Variants in KHDRBS3 observed in about 807,000 individuals in gnomAD.
KHDRBS3 encodes the protein KH domain-containing, RNA-binding, signal transduction-associated protein 3.
Under a neutral mutation model 45.6 loss-of-function variants are expected in KHDRBS3, and 23 were observed. The ratio of observed to expected loss-of-function variants is 0.50; its 90% confidence interval spans 0.36 to 0.72. KHDRBS3 has a LOEUF of 0.72. Among genes scored for constraint, KHDRBS3 ranks in the 30% least tolerant of loss-of-function variants. The pLI is 0.00. For synonymous variants in KHDRBS3, 162 were observed against 156.5 expected, an observed-to-expected ratio of 1.04 and a Z score of -0.26; for missense variants, 352 against 424.8, an observed-to-expected ratio of 0.83 and a Z score of 1.51.
At chr8:135,490,609 TAAATG>T (rs1563717520) in intron 1 of KHDRBS3, among the ~76,000 whole-genome samples, 1 of 152,222 alleles carries the variant, frequency 6.6e-6, no homozygotes, top group Non-Finnish European at 1.5e-5. Context: ...ATAATAGTAA[TAAATG>T]AAAATAATAT....
At chr8:135,621,005 C>T (rs530376178) in intron 7 of KHDRBS3, among the ~76,000 whole-genome samples, 20 of 152,086 alleles carry the variant, frequency 1.3e-4, no homozygotes, top group Non-Finnish European at 2.4e-4. Flanking sequence ...TGTAAGTTTG[C>T]ATCTGTTTTA....
chr8:135,537,632 T>C (rs1415367441), intron 2 of KHDRBS3, among the ~76,000 whole-genome samples: 3 of 152,182 alleles, frequency 2.0e-5, no homozygotes, highest in African/African-American at 7.2e-5. Context: ...TAATCTTTAA[T>C]GGAGAAAATA....
chr8:135,463,209 C>T (rs1029682649), intron 1 of KHDRBS3, among the ~76,000 whole-genome samples: 3 of 152,114 alleles, frequency 2.0e-5, no homozygotes, highest in Admixed American at 6.5e-5. Context: ...ACCTAGCATA[C>T]GTCTGAGCAC....
chr8:135,511,656 C>T (rs1005434657), intron 1 of KHDRBS3, among the ~76,000 whole-genome samples: 7 of 152,004 alleles, frequency 4.6e-5, no homozygotes, highest in African/African-American at 1.2e-4. Flanking sequence ...CCTGGGTTCA[C>T]GCCATTCTCC....
intron 1 of KHDRBS3, among the ~76,000 whole-genome samples, chr8:135,488,723 GA>G (rs1159313720): frequency 6.6e-6 from 1 of 152,194 alleles, no homozygotes; most frequent in Non-Finnish European, 1.5e-5. Flanking sequence ...CAGAAGCATA[GA>G]AAGAGTAGAT....
intron 1 of KHDRBS3, among the ~76,000 whole-genome samples, chr8:135,516,104 A>G (rs1392651075): frequency 6.6e-6 from 1 of 152,226 alleles, no homozygotes; most frequent in African/African-American, 2.4e-5. Flanking sequence ...GCCAGAGTAC[A>G]TGTTACCATA....
intron 5 of KHDRBS3, among the ~76,000 whole-genome samples, chr8:135,565,028 T>C (rs1185438659): frequency 6.6e-6 from 1 of 152,154 alleles, no homozygotes; most frequent in Non-Finnish European, 1.5e-5. Flanking sequence ...GTGGGAGTGC[T>C]GCAGAGCGTA....
At chr8:135,552,297 A>G (rs1278914256) in intron 4 of KHDRBS3, among the ~76,000 whole-genome samples, 1 of 151,852 alleles carries the variant, frequency 6.6e-6, no homozygotes, top group African/African-American at 2.4e-5. Context: ...TCTTACATTC[A>G]GGGTTTTTCA....
At chr8:135,544,238 G>A (rs529768754) in intron 3 of KHDRBS3, among the ~76,000 whole-genome samples, 1 of 152,232 alleles carries the variant, frequency 6.6e-6, no homozygotes, top group East Asian at 1.9e-4. Context: ...AAGGGGGTTG[G>A]TCAGAACCAC....
rs757278234 is a variant in KHDRBS3, at chr8:135,483,729, C to T, written c.88+25775C>T. Among the ~76,000 whole-genome samples, 12 of 152,292 alleles carry T rather than the reference C, an allele frequency of 7.9e-5. No homozygotes were observed. In the South Asian group the frequency reaches 2.5e-3, roughly 32 times the overall value. On this transcript the variant is annotated intron_variant, in intron 1 of 8. Coordinates refer to ENST00000355849, the MANE Select transcript of KHDRBS3 (RefSeq NM_006558.3). The stretch of plus-strand genomic sequence containing the variant: ...CCTCCTGTCCATCTGCCGTCTCTTG[C>T]AGGGCTGAACTTACTCTTCCAGATT...
At chr8:135,644,714 A>G (rs1055897783) in intron 7 of KHDRBS3, among the ~76,000 whole-genome samples, 7 of 152,164 alleles carry the variant, frequency 4.6e-5, no homozygotes, top group African/African-American at 1.7e-4. Context: ...TTGTCCACAC[A>G]CATCCTCCCT....
chr8:135,545,368 T>G (rs1336897307), intron 3 of KHDRBS3, among the ~76,000 whole-genome samples: 3 of 152,168 alleles, frequency 2.0e-5, no homozygotes, highest in African/African-American at 7.2e-5. Context: ...AGGCAGGCTT[T>G]TGCCGTGTGG....
chr8:135,526,232 C>A (rs1825179014), intron 2 of KHDRBS3, among the ~76,000 whole-genome samples: 1 of 151,976 alleles, frequency 6.6e-6, no homozygotes, highest in African/African-American at 2.4e-5. Context: ...TGACTCATAA[C>A]ATCAATAAAG....
intron 5 of KHDRBS3, among the ~76,000 whole-genome samples, chr8:135,569,766 C>G (rs1827612009): frequency 6.6e-6 from 1 of 152,158 alleles, no homozygotes; most frequent in Non-Finnish European, 1.5e-5. Context: ...AGGGCAGGTT[C>G]TGTGGTGGAG....
At position 135,471,357 on chromosome 8, in the gene KHDRBS3, T is replaced by C. The variant is rs571401704; in HGVS notation, c.88+13403T>C. Among the ~76,000 whole-genome samples, 3 of 152,358 alleles carry C rather than the reference T, an allele frequency of 2.0e-5. No individual in the cohort carries two copies. The South Asian group carries it at 6.2e-4, about 32-fold the overall frequency. On this transcript the variant is annotated intron_variant, in intron 1 of 8. Transcript: ENST00000355849. ...ACACCCCTAAGACTGGTTGGGTGTCTGTTTCTCCACAGTCTTTCCTACTGG... is the reference window on the plus strand; with the variant it reads ...ACACCCCTAAGACTGGTTGGGTGTCCGTTTCTCCACAGTCTTTCCTACTGG...
chr8:135,541,447 G>A (rs1201280793), intron 2 of KHDRBS3: 1 of 152,096 alleles, frequency 6.6e-6, no homozygotes, highest in African/African-American at 2.4e-5. Context: ...ATAATTACAT[G>A]CAAAGATTAA....
At chr8:135,458,329 C>T (rs1413805706) in intron 1 of KHDRBS3, 6 of 449,280 alleles carry the variant, frequency 1.3e-5, no homozygotes, top group African/African-American at 6.5e-5. Flanking sequence ...GGAAGTAGGG[C>T]GTTTGGTTTG....
chr8:135,557,638 A>C, intron 5 of KHDRBS3, 51 bp downstream of exon 5: 1 of 1,397,522 alleles, frequency 7.2e-7, no homozygotes, highest in East Asian at 2.3e-5. Flanking sequence ...CAGTTTTAAT[A>C]TTTCCTTTAT....
At chr8:135,586,901 C>A (rs1000283040) in intron 6 of KHDRBS3, among the ~76,000 whole-genome samples, 4 of 152,094 alleles carry the variant, frequency 2.6e-5, no homozygotes, top group Admixed American at 2.6e-4. Flanking sequence ...TTTTTAAAAT[C>A]CTGCCACAAT....
Sources: allele counts gnomAD v4.1 joint callset (sites outside exome capture counted in the v4.1 genomes callset), GRCh38; gene constraint gnomAD v4.1.1; transcripts MANE v1.5; gene names NCBI Gene and HGNC (gene_info 2026-07-23, HGNC 2026-07-21).